ASIC2: variants seen among roughly 807,000 people sequenced by gnomAD.
The protein encoded by ASIC2 is acid-sensing ion channel 2.
Under a neutral mutation model 57.3 loss-of-function variants are expected in ASIC2, and 25 were observed. That is an observed-to-expected ratio of 0.44 (90% CI 0.32 to 0.61). The LOEUF (loss-of-function observed/expected upper bound fraction) is 0.61. Among genes scored for constraint, ASIC2 ranks in the 20% least tolerant of loss-of-function variants. The probability of loss-of-function intolerance (pLI) is 0.06; values close to 1 mark genes in which losing one functional copy is unlikely to be tolerated. For synonymous variants in ASIC2, 319 were observed against 307.5 expected (o/e 1.04, Z -0.39); for missense variants, 641 against 738.1 (o/e 0.87, Z 1.52).
intron 1 of ASIC2, among the ~76,000 whole-genome samples, chr17:34,113,198 GC>G (rs1911327170): frequency 6.6e-6 from 1 of 152,168 alleles, no homozygotes; most frequent in Non-Finnish European, 1.5e-5. Flanking sequence ...TCCAGACATT[GC>G]CCGAAGAGAG....
rs79208774 is a variant in ASIC2 at position 33,961,488 on chromosome 17, A to G, written c.555+194490T>C. Reference sequence around the variant, plus strand: ...GTATCATGGGAAATTCTGCCCTCCAACTCCACCTGGCTGAAGCTGAGCTGC... The same window carrying G: ...GTATCATGGGAAATTCTGCCCTCCAGCTCCACCTGGCTGAAGCTGAGCTGC... On this transcript the variant is annotated intron_variant, in intron 1 of 9. Coordinates refer to the ASIC2 transcript ENST00000359872. Among the ~76,000 whole-genome samples the G allele has an allele frequency of 1.5e-3, 229 of 151,980 alleles. 2 individuals carry two copies. The highest frequency in any genetic ancestry group is 1.7e-3 in the Non-Finnish European group (115 of 67,944).
intron 1 of ASIC2, among the ~76,000 whole-genome samples, chr17:34,075,809 T>C (rs1567810674): frequency 6.9e-6 from 1 of 144,446 alleles, no homozygotes; most frequent in Non-Finnish European, 1.5e-5. Flanking sequence ...CTCTTTCAAG[T>C]CTTTTTCTTT....
intron 1 of ASIC2, among the ~76,000 whole-genome samples, chr17:33,864,959 A>T (rs1914193371): frequency 6.6e-6 from 1 of 152,194 alleles, no homozygotes; most frequent in Non-Finnish European, 1.5e-5. Flanking sequence ...CATTTTAATT[A>T]AATTGTGAGT....
At chr17:33,104,699 C>T (rs1417620462) in intron 2 of ASIC2, among the ~76,000 whole-genome samples, 1 of 152,180 alleles carries the variant, frequency 6.6e-6, no homozygotes, top group Non-Finnish European at 1.5e-5. Flanking sequence ...GCCATTCTCT[C>T]TTCAGAGATG....
At position 33,779,967 on chromosome 17, in the gene ASIC2, C is replaced by CT. The variant is rs759850922; in HGVS notation, c.555+376010dup. ...TAGACCCAGGTCTGGCTACAGAAGC[C>CT]TTTTTTTTTTTTTTTTTTTTTGAGA... On this transcript the variant is annotated intron_variant, in intron 1 of 9. Transcript: ENST00000359872. 9.7e-3 allele frequency among the ~76,000 whole-genome samples: 825 copies of CT among 85,132 alleles called. 58 individuals are homozygous for CT. The highest frequency in any genetic ancestry group is 0.028 in the African/African-American group (571 of 20,704). The allele number at this position is 85,132 out of a possible 152,430, so 55.8% of individuals were successfully genotyped here.
chr17:33,772,480 C>T (rs1420794772), intron 1 of ASIC2, among the ~76,000 whole-genome samples: 2 of 152,174 alleles, frequency 1.3e-5, no homozygotes, highest in Admixed American at 6.5e-5. Flanking sequence ...ATTTGTATGT[C>T]TTTTCTCCTC....
At chr17:34,085,071 C>T (rs1299059132) in intron 1 of ASIC2, among the ~76,000 whole-genome samples, 4 of 152,172 alleles carry the variant, frequency 2.6e-5, no homozygotes, top group Non-Finnish European at 5.9e-5. Context: ...ACTTCCAACA[C>T]TATGTTGGAT....
chr17:34,053,648 A>G (rs1440643890), intron 1 of ASIC2, among the ~76,000 whole-genome samples: 2 of 152,240 alleles, frequency 1.3e-5, no homozygotes, highest in Non-Finnish European at 2.9e-5. Context: ...TCAAATAAAC[A>G]TTTGGTAATA....
chr17:33,637,562 C>G (rs757187377), intron 1 of ASIC2, among the ~76,000 whole-genome samples: 2 of 152,210 alleles, frequency 1.3e-5, no homozygotes, highest in Admixed American at 6.5e-5. Flanking sequence ...AGGGATCTTT[C>G]TGCTTCCCAC....
intron 1 of ASIC2, among the ~76,000 whole-genome samples, chr17:33,377,181 G>C (rs1303092855): frequency 6.6e-6 from 1 of 152,128 alleles, no homozygotes; most frequent in African/African-American, 2.4e-5. Flanking sequence ...CTCCTGAGTA[G>C]CTGGGACTAC....
At chr17:33,445,574 G>T (rs1179333944) in intron 1 of ASIC2, among the ~76,000 whole-genome samples, 1 of 152,080 alleles carries the variant, frequency 6.6e-6, no homozygotes, top group Non-Finnish European at 1.5e-5. Flanking sequence ...GGATCAGGTG[G>T]ATCCCCTGAG....
intron 1 of ASIC2, among the ~76,000 whole-genome samples, chr17:33,786,314 ATAGAGCAGG>A: frequency 6.6e-6 from 1 of 152,166 alleles, no homozygotes; most frequent in African/African-American, 2.4e-5. Context: ...GGATTCCAAG[ATAGAGCAGG>A]TAGAGGAGTG....
intron 1 of ASIC2, among the ~76,000 whole-genome samples, chr17:33,356,745 A>T (rs963475493): frequency 6.6e-6 from 1 of 152,140 alleles, no homozygotes; most frequent in Non-Finnish European, 1.5e-5. Context: ...GAGCATGAAG[A>T]TCTCATTATG....
chr17:33,039,702 A>G lies in ASIC2; in HGVS notation c.988-11310T>C, dbSNP rs192650386. Among the ~76,000 whole-genome samples, 7 of 152,310 alleles carry G rather than the reference A, an allele frequency of 4.6e-5. No individual in the cohort carries two copies. The East Asian group carries it at 1.4e-3, about 29-fold the overall frequency. On this transcript the variant is annotated intron_variant, in intron 3 of 9. Coordinates refer to ENST00000225823, the MANE Select transcript of ASIC2 (RefSeq NM_183377.2). ...GTTGTACAGAAGGCCCACTCACCCA[A>G]AGCATTAGAACACACAGAAGATGTC...
chr17:33,594,783 G>A (rs1005017360), intron 1 of ASIC2, among the ~76,000 whole-genome samples: 19 of 148,734 alleles, frequency 1.3e-4, no homozygotes, highest in East Asian at 2.0e-4. Context: ...AGCCTAGATC[G>A]CACCACTGCA....
chr17:33,957,419 GTAATTTATAAAGA>G (rs954763121), intron 1 of ASIC2, among the ~76,000 whole-genome samples: 2 of 152,148 alleles, frequency 1.3e-5, no homozygotes, highest in African/African-American at 4.8e-5. Context: ...CTGAAACTGG[GTAATTTATAAAGA>G]TAAGAGGTTT....
intron 1 of ASIC2, among the ~76,000 whole-genome samples, chr17:33,276,189 T>G (rs989312873): frequency 3.9e-5 from 6 of 152,036 alleles, no homozygotes; most frequent in Non-Finnish European, 8.8e-5. Context: ...AATAAATGTA[T>G]GCATTAGTAA....
intron 1 of ASIC2, among the ~76,000 whole-genome samples, chr17:33,311,234 A>G (rs1307162116): frequency 2.0e-5 from 3 of 152,168 alleles, no homozygotes; most frequent in East Asian, 3.8e-4. Context: ...GGCCCATTTC[A>G]TAGATCGGGG....
chr17:33,889,450 T>C (rs1914909556), intron 1 of ASIC2, among the ~76,000 whole-genome samples: 1 of 152,248 alleles, frequency 6.6e-6, no homozygotes. Context: ...CTGTGAAAGA[T>C]AATTCTTAAG....
Sources: allele counts gnomAD v4.1 joint callset (sites outside exome capture counted in the v4.1 genomes callset), GRCh38; gene constraint gnomAD v4.1.1; transcripts MANE v1.5; gene names NCBI Gene and HGNC (gene_info 2026-07-23, HGNC 2026-07-21).